Variants in PRIM2 observed in about 807,000 individuals in gnomAD.
The protein encoded by PRIM2 is DNA primase large subunit.
A neutral mutation model predicts 67.3 loss-of-function variants in PRIM2; 39 were observed. The observed-to-expected ratio is 0.58, with a 90% CI of 0.45 to 0.76. The LOEUF (loss-of-function observed/expected upper bound fraction) is 0.76. PRIM2 is among the 30% of genes least tolerant of loss of function. The pLI is 0.00. For synonymous variants in PRIM2, 143 were observed against 198.7 expected (o/e 0.72, Z 2.36); for missense variants, 398 against 598.7 (o/e 0.66, Z 3.50).
At chr6:57,394,871 A>G (rs1770470273) in intron 7 of PRIM2, among the ~76,000 whole-genome samples, 2 of 151,900 alleles carry the variant, frequency 1.3e-5, no homozygotes, top group South Asian at 4.1e-4. Context: ...TTAATCATAA[A>G]GAGATGCTGA....
the PRIM2 span, among the ~76,000 whole-genome samples, chr6:57,267,308 T>C: frequency 2.6e-5 from 4 of 152,164 alleles, no homozygotes; most frequent in Non-Finnish European, 4.4e-5. Flanking sequence ...TGGGTGAAAG[T>C]AGTTTACTTG....
chr6:57,393,415 A>G (rs2127349096), intron 7 of PRIM2, among the ~76,000 whole-genome samples: 1 of 152,250 alleles, frequency 6.6e-6, no homozygotes, highest in East Asian at 1.9e-4. Flanking sequence ...AGTGATGTTG[A>G]GCATTTTTTC....
At chr6:57,492,217 C>T (rs1554346021) in intron 7 of PRIM2, among the ~76,000 whole-genome samples, 9 of 152,156 alleles carry the variant, frequency 5.9e-5, no homozygotes, top group Admixed American at 1.3e-4. Flanking sequence ...GCTTGTGTAC[C>T]GGACAGAAGT....
chr6:57,307,220 TA>T, the PRIM2 span, among the ~76,000 whole-genome samples: 17 of 144,556 alleles, frequency 1.2e-4, no homozygotes, highest in South Asian at 2.4e-3. Context: ...TCTCAAAAAA[TA>T]AAAAAAAAAT....
At chr6:57,581,167 A>G (rs1776078505) in intron 10 of PRIM2, among the ~76,000 whole-genome samples, 1 of 152,206 alleles carries the variant, frequency 6.6e-6, no homozygotes, top group African/African-American at 2.4e-5. Flanking sequence ...GCAGTATTGG[A>G]TGATGTTCTC....
At chr6:57,374,790 C>T (rs562453245) in intron 5 of PRIM2, among the ~76,000 whole-genome samples, 28 of 152,182 alleles carry the variant, frequency 1.8e-4, no homozygotes, top group Middle Eastern at 3.4e-3. Context: ...GGGGTTTCGC[C>T]GTGTTGGGCA....
At chr6:57,505,464 C>T (rs1774230779) in intron 7 of PRIM2, 2 of 152,236 alleles carry the variant, frequency 1.3e-5, no homozygotes, top group South Asian at 4.1e-4. Flanking sequence ...AGCTGTATAG[C>T]CAATCATTCT....
At chr6:57,391,029 C>G (rs1433203855) in intron 7 of PRIM2, among the ~76,000 whole-genome samples, 1 of 151,814 alleles carries the variant, frequency 6.6e-6, no homozygotes, top group African/African-American at 2.4e-5. Context: ...CCCTCCTCTT[C>G]GCAACTTCAT....
intron 10 of PRIM2, among the ~76,000 whole-genome samples, chr6:57,594,405 G>A (rs1442550631): frequency 6.6e-6 from 1 of 152,192 alleles, no homozygotes; most frequent in Non-Finnish European, 1.5e-5. Flanking sequence ...ACCTTTGAAA[G>A]TTACTCTAAA....
chr6:57,549,091 T>C (rs1775349785), intron 10 of PRIM2, among the ~76,000 whole-genome samples: 1 of 152,170 alleles, frequency 6.6e-6, no homozygotes, highest in East Asian at 1.9e-4. Context: ...AAAACAGTAC[T>C]AGGCTATAAA....
At chr6:57,388,981 A>G (rs1170834027) in intron 7 of PRIM2, among the ~76,000 whole-genome samples, 1 of 152,160 alleles carries the variant, frequency 6.6e-6, no homozygotes, top group Non-Finnish European at 1.5e-5. Context: ...CTTCCACTTG[A>G]TTTCATTAAG....
At chr6:57,461,660 T>G (rs1450554330) in intron 7 of PRIM2, among the ~76,000 whole-genome samples, 3 of 152,160 alleles carry the variant, frequency 2.0e-5, no homozygotes, top group Non-Finnish European at 4.4e-5. Context: ...AATCCATGTT[T>G]CATCTTGAAA....
At chr6:57,349,323 C>A (rs1180617553) in intron 5 of PRIM2, among the ~76,000 whole-genome samples, 1 of 150,988 alleles carries the variant, frequency 6.6e-6, no homozygotes, top group Non-Finnish European at 1.5e-5. Context: ...AATGCACACA[C>A]CGTGTCAGTT....
chr6:57,369,668 T>G (rs1769479280), intron 5 of PRIM2, among the ~76,000 whole-genome samples: 1 of 152,230 alleles, frequency 6.6e-6, no homozygotes, highest in Non-Finnish European at 1.5e-5. Flanking sequence ...GCCATTTGTT[T>G]ATACACCTCT....
In PRIM2 at chr6:57,580,319, T is replaced by C. The variant is rs1776058064; in HGVS notation, c.1021-20774T>C. Among the ~76,000 whole-genome samples the C allele has an allele frequency of 2.0e-5, 3 of 152,250 alleles. 1 individual carries two copies. The highest frequency in any genetic ancestry group is 2.0e-4 in the Admixed American group (3 of 15,286). ...TGCACATAATAGTTTTACTAGGTTATGAGTAGTGTAGGGGAGAAAAGATTT... is the reference window on the plus strand; with the variant it reads ...TGCACATAATAGTTTTACTAGGTTACGAGTAGTGTAGGGGAGAAAAGATTT... On this transcript the variant is annotated intron_variant, in intron 10 of 13. Coordinates refer to ENST00000615550, the MANE Select transcript of PRIM2 (RefSeq NM_000947.5).
Position 57,473,779 on chromosome 6 carries a change from C to T in PRIM2, c.694-33608C>T, listed in dbSNP as rs1310448646. ...ACCCTCTTAAGTTTTGTAACTTTAC[C>T]TTCCACCACCCCTGCGCCCTATCTG... On this transcript the variant is annotated intron_variant, in intron 7 of 13. Coordinates refer to ENST00000615550, the MANE Select transcript of PRIM2 (RefSeq NM_000947.5). Among the ~76,000 whole-genome samples, 20 of 152,160 alleles carry T rather than the reference C, an allele frequency of 1.3e-4. No individual in the cohort carries two copies. In the East Asian group the frequency reaches 2.9e-3, roughly 22 times the overall value.
At chr6:57,436,185 A>G (rs1284152900) in intron 7 of PRIM2, among the ~76,000 whole-genome samples, 2 of 151,946 alleles carry the variant, frequency 1.3e-5, no homozygotes, top group Non-Finnish European at 2.9e-5. Flanking sequence ...GATTTTAGGG[A>G]TTTTGCTTAG....
At chr6:57,515,210 A>G (rs1410240608) in intron 8 of PRIM2, among the ~76,000 whole-genome samples, 1 of 152,222 alleles carries the variant, frequency 6.6e-6, no homozygotes, top group Non-Finnish European at 1.5e-5. Flanking sequence ...TCAAGAATAG[A>G]TATATCTACT....
At chr6:57,346,951 A>G (rs1260349702) in intron 5 of PRIM2, among the ~76,000 whole-genome samples, 4 of 152,164 alleles carry the variant, frequency 2.6e-5, no homozygotes, top group African/African-American at 9.7e-5. Context: ...CTGAAGGCAT[A>G]CAAAGGACAA....
Sources: gnomAD v4.1 joint callset for allele counts (sites outside exome capture counted in the v4.1 genomes callset) on GRCh38, gnomAD v4.1.1 for gene constraint, MANE v1.5 for transcripts, NCBI Gene and HGNC (gene_info 2026-07-23, HGNC 2026-07-21) for gene names.